PDZD2: variants seen among roughly 807,000 people sequenced by gnomAD.
PDZD2 encodes PDZ domain containing 2.
In PDZD2, 90 loss-of-function variants were observed where a neutral mutation model predicts 220.7. The observed-to-expected ratio is 0.41, with a 90% CI of 0.34 to 0.49. The LOEUF (loss-of-function observed/expected upper bound fraction) is 0.49, where lower values mean the gene tolerates loss of function less well. PDZD2 is among the 20% of genes least tolerant of loss of function. The pLI, the probability that PDZD2 is intolerant of heterozygous loss-of-function variation, is 0.28. For missense variants in PDZD2, 3,174 were observed against 3,608.5 expected, an observed-to-expected ratio of 0.88 and a Z score of 3.08; for synonymous variants, 1,375 against 1,450.5, an observed-to-expected ratio of 0.95 and a Z score of 1.18.
At chr5:31,797,194 C>G (rs575989783) in intron 1 of PDZD2, among the ~76,000 whole-genome samples, 1 of 148,916 alleles carries the variant, frequency 6.7e-6, no homozygotes, top group Non-Finnish European at 1.5e-5. Flanking sequence ...CCGCCCGCCT[C>G]GGCCTCCCAA....
At chr5:32,096,474 C>T (rs544574165) in intron 21 of PDZD2, among the ~76,000 whole-genome samples, 4 of 152,130 alleles carry the variant, frequency 2.6e-5, no homozygotes, top group Non-Finnish European at 4.4e-5. Context: ...TCCGCCACCA[C>T]GCCCGGCTAA....
At chr5:31,949,097 CAAAAAAAAA>C (rs34780210) in intron 2 of PDZD2, among the ~76,000 whole-genome samples, 16 of 54,986 alleles carry the variant, frequency 2.9e-4, no homozygotes, top group African/African-American at 4.8e-4. Flanking sequence ...GACTCTGTCT[CAAAAAAAAA>C]AAAAAAAAAA....
intron 2 of PDZD2, among the ~76,000 whole-genome samples, chr5:31,807,628 G>A: frequency 6.6e-6 from 1 of 152,238 alleles, no homozygotes; most frequent in East Asian, 1.9e-4. Context: ...AGACACTGGG[G>A]TCCATTCCAA....
chr5:31,683,853 A>C (rs1186184178), intron 1 of PDZD2, among the ~76,000 whole-genome samples: 1 of 152,164 alleles, frequency 6.6e-6, no homozygotes, highest in African/African-American at 2.4e-5. Flanking sequence ...TACTGGAACA[A>C]AGTCAATATG....
intron 2 of PDZD2, among the ~76,000 whole-genome samples, chr5:31,809,177 T>C (rs1754926944): frequency 6.6e-6 from 1 of 152,088 alleles, no homozygotes; most frequent in Non-Finnish European, 1.5e-5. Context: ...GAGAGGACAG[T>C]GGGAGCTTGC....
chr5:32,089,427 T>C lies in PDZD2; in HGVS notation c.5979T>C (p.Pro1993=). ...CCCTGACCTCTCCCAAGCCTGTTCCTGAGCAAGGCATGTGGAGCAGGTTCC... is the reference window on the plus strand; with the variant it reads ...CCCTGACCTCTCCCAAGCCTGTTCCCGAGCAAGGCATGTGGAGCAGGTTCC... ...VSPLTSPKPV[P]EQGMWSRFHM... The change falls in exon 20 of 25, where the codon CCT becomes CCC. Residue 1993 remains proline, a synonymous_variant. Transcript: ENST00000438447. 1 of 1,614,086 alleles carries C rather than the reference T, an allele frequency of 6.2e-7. No homozygotes were observed. The highest frequency in any genetic ancestry group is 8.5e-7 in the Non-Finnish European group (1 of 1,180,038).
chr5:31,664,595 G>A (rs1745909706), intron 1 of PDZD2, among the ~76,000 whole-genome samples: 1 of 152,152 alleles, frequency 6.6e-6, no homozygotes, highest in African/African-American at 2.4e-5. Flanking sequence ...GCTGTCTTGT[G>A]ATTCATACGA....
chr5:32,104,742 A>C (rs113433626), intron 24 of PDZD2, among the ~76,000 whole-genome samples: 8 of 149,596 alleles, frequency 5.3e-5, no homozygotes, highest in East Asian at 2.0e-4. Context: ...AAAAAAAAAA[A>C]AAAACATATA....
chr5:32,004,909 T>A (rs942433577), intron 5 of PDZD2, among the ~76,000 whole-genome samples: 8 of 152,214 alleles, frequency 5.3e-5, no homozygotes, highest in African/African-American at 1.9e-4. Context: ...TGGGCATCTG[T>A]ACTGAGCTGT....
At chr5:31,702,140 T>C (rs1193800323) in intron 1 of PDZD2, among the ~76,000 whole-genome samples, 1 of 152,252 alleles carries the variant, frequency 6.6e-6, no homozygotes, top group Non-Finnish European at 1.5e-5. Context: ...TACTTTCTCA[T>C]GGGCTCATGG....
At chr5:31,971,660 G>A (rs1166833878) in intron 2 of PDZD2, among the ~76,000 whole-genome samples, 1 of 152,146 alleles carries the variant, frequency 6.6e-6, no homozygotes, top group African/African-American at 2.4e-5. Flanking sequence ...TGGAATTCCT[G>A]TAGATGTTAT....
intron 10 of PDZD2, 116 bp downstream of exon 10, chr5:32,053,999 C>T: frequency 1.5e-6 from 1 of 655,778 alleles, no homozygotes; most frequent in Non-Finnish European, 2.8e-6. Context: ...CGGAATCTGC[C>T]TGGCATAGTC....
At chr5:31,718,463 G>A (rs1369605986) in intron 1 of PDZD2, among the ~76,000 whole-genome samples, 1 of 152,170 alleles carries the variant, frequency 6.6e-6, no homozygotes, top group Non-Finnish European at 1.5e-5. Flanking sequence ...AGGCCGTGTG[G>A]CTGAACAACA....
At chr5:31,774,001 T>A (rs1752489871) in intron 1 of PDZD2, among the ~76,000 whole-genome samples, 1 of 151,836 alleles carries the variant, frequency 6.6e-6, no homozygotes, top group Non-Finnish European at 1.5e-5. Context: ...AGCCACAGAG[T>A]CCCAGGGTGA....
At chr5:32,007,401 A>C (rs1260437516) in intron 5 of PDZD2, among the ~76,000 whole-genome samples, 2 of 151,658 alleles carry the variant, frequency 1.3e-5, no homozygotes, top group South Asian at 2.1e-4. Flanking sequence ...AAAAAAAAAA[A>C]CACTCTTTTC....
chr5:31,866,854 C>A (rs1434130000), intron 2 of PDZD2, among the ~76,000 whole-genome samples: 1 of 152,188 alleles, frequency 6.6e-6, no homozygotes, highest in East Asian at 1.9e-4. Context: ...ACACTGCTAG[C>A]AATTAGCTGT....
chr5:31,874,907 TC>T (rs1463299571), intron 2 of PDZD2, among the ~76,000 whole-genome samples: 2 of 152,238 alleles, frequency 1.3e-5, no homozygotes, highest in African/African-American at 4.8e-5. Context: ...ATAACAGAAG[TC>T]CCCTTTAACC....
intron 2 of PDZD2, among the ~76,000 whole-genome samples, chr5:31,956,785 A>ATG (rs1312632845): frequency 7.1e-6 from 1 of 140,332 alleles, no homozygotes; most frequent in African/African-American, 2.7e-5. Flanking sequence ...AAAAAAAAAA[A>ATG]GGGACAAAGA....
In PDZD2 at chr5:32,087,592, G is replaced by A. The variant is rs755383792; in HGVS notation, c.4144G>A (p.Ala1382Thr). 5 of 1,614,006 alleles carry A rather than the reference G, an allele frequency of 3.1e-6. No homozygotes were observed. In the African/African-American group the frequency reaches 5.3e-5, roughly 17 times the overall value. Residue 1382 changes from alanine (A) to threonine (T), a missense_variant, in exon 20 of 25, where the codon GCA (alanine) becomes ACA (threonine). Around this residue, in one of 4 missense-constraint regions of PDZD2, gnomAD observed 1,861 missense variants for 2,001.0 expected, o/e 0.93. Transcript: ENST00000438447. The surrounding 1 kb of genome is among the most constrained non-coding windows in gnomAD (Gnocchi z 4.0). ...SSQEPSLLEG[A>T]DSVSSRAPQA... ...CCAGGAGCCTTCCCTGCTGGAGGGA[G>A]CAGATTCTGTGTCCTCAAGGGCACC...
Sources: allele counts gnomAD v4.1 joint callset (sites outside exome capture counted in the v4.1 genomes callset), GRCh38; gene constraint gnomAD v4.1.1; regional missense constraint gnomAD v4.1.1; non-coding constraint Gnocchi (gnomAD v3.1); transcripts MANE v1.5; gene names NCBI Gene and HGNC (gene_info 2026-07-23, HGNC 2026-07-21).